Variants in SMIM36 observed in about 807,000 individuals in gnomAD.
SMIM36 encodes small integral membrane protein 36.
chr17:55,473,409 T>C (rs969359555), intron 3 of SMIM36, among the ~76,000 whole-genome samples: 1 of 152,172 alleles, frequency 6.6e-6, no homozygotes, highest in Non-Finnish European at 1.5e-5. Context: ...CCTTTCCCAC[T>C]AGCTCCGAAA....
At chr17:55,458,285 C>G (rs1249495150) in intron 4 of SMIM36, 2 of 152,178 alleles carry the variant, frequency 1.3e-5, no homozygotes, top group Non-Finnish European at 2.9e-5. Flanking sequence ...GCAGCGACAG[C>G]AGTTTAATTA....
intron 4 of SMIM36, among the ~76,000 whole-genome samples, chr17:55,462,659 T>C (rs1054742195): frequency 1.3e-5 from 2 of 152,210 alleles, no homozygotes; most frequent in Non-Finnish European, 2.9e-5. Context: ...AAATCTGGCA[T>C]GCAGCGTTGT....
intron 4 of SMIM36, among the ~76,000 whole-genome samples, chr17:55,466,585 C>G (rs1159364643): frequency 6.6e-6 from 1 of 152,196 alleles, no homozygotes; most frequent in East Asian, 1.9e-4. Flanking sequence ...GAACCTGTAG[C>G]TTGAGTTGTC....
the SMIM36 span, chr17:55,527,097 T>C: frequency 2.6e-5 from 4 of 152,220 alleles, no homozygotes; most frequent in African/African-American, 7.2e-5. Flanking sequence ...TAGTTTAAAA[T>C]GGTGGTGGGG....
chr17:55,477,381 G>T (rs556867539), intron 3 of SMIM36, among the ~76,000 whole-genome samples: 1 of 152,094 alleles, frequency 6.6e-6, no homozygotes, highest in Non-Finnish European at 1.5e-5. Context: ...CTGGCTTAGA[G>T]ATGCATCATT....
At chr17:55,461,333 A>G (rs1231605056) in intron 4 of SMIM36, among the ~76,000 whole-genome samples, 1 of 152,216 alleles carries the variant, frequency 6.6e-6, no homozygotes, top group Non-Finnish European at 1.5e-5. Flanking sequence ...TATCCATGCA[A>G]CAACATGGAT....
intron 4 of SMIM36, among the ~76,000 whole-genome samples, chr17:55,451,750 T>A (rs543473556): frequency 1.3e-5 from 2 of 152,256 alleles, no homozygotes; most frequent in Admixed American, 1.3e-4. Context: ...GATTTAAGAC[T>A]CTTTCTTTCC....
intron 3 of SMIM36, among the ~76,000 whole-genome samples, 169 bp from the exon 4 acceptor site, chr17:55,467,497 T>C (rs954708346): frequency 6.6e-6 from 1 of 151,900 alleles, no homozygotes; most frequent in East Asian, 1.9e-4. Context: ...CCAAGGTTCA[T>C]GCCATTCTCC....
At chr17:55,518,115 A>G in the SMIM36 span, among the ~76,000 whole-genome samples, 1 of 152,186 alleles carries the variant, frequency 6.6e-6, no homozygotes, top group South Asian at 2.1e-4. Context: ...GGAAAATGGG[A>G]GATCTAAGAT....
chr17:55,470,251 C>T (rs753299315), intron 3 of SMIM36, among the ~76,000 whole-genome samples: 12 of 152,152 alleles, frequency 7.9e-5, no homozygotes, highest in Non-Finnish European at 7.4e-5. Context: ...CCTTCCCCAC[C>T]GATCCCAAAG....
intron 1 of SMIM36, among the ~76,000 whole-genome samples, chr17:55,482,777 GGC>G (rs1909541926): frequency 1.3e-5 from 2 of 152,182 alleles, no homozygotes; most frequent in Non-Finnish European, 2.9e-5. Context: ...TACTGATAGA[GGC>G]ATTCATATGG....
intron 1 of SMIM36, among the ~76,000 whole-genome samples, chr17:55,490,863 A>G (rs1909690075): frequency 6.7e-6 from 1 of 148,588 alleles, no homozygotes; most frequent in Non-Finnish European, 1.5e-5. Context: ...AATGTGGGTA[A>G]TGGGATTATG....
chr17:55,501,523 T>C (rs1464577673), intron 1 of SMIM36, among the ~76,000 whole-genome samples: 1 of 114,560 alleles, frequency 8.7e-6, no homozygotes, highest in Non-Finnish European at 1.7e-5. Context: ...TATTATATAA[T>C]ATTGTATATA....
chr17:55,499,378 T>C (rs1218887962), intron 1 of SMIM36, among the ~76,000 whole-genome samples: 2 of 152,138 alleles, frequency 1.3e-5, no homozygotes, highest in African/African-American at 2.4e-5. Flanking sequence ...CCATCTAGAA[T>C]TGAGTTCAAA....
At chr17:55,490,701 G>A (rs1462114591) in intron 1 of SMIM36, among the ~76,000 whole-genome samples, 1 of 152,080 alleles carries the variant, frequency 6.6e-6, no homozygotes, top group African/African-American at 2.4e-5. Context: ...GTGTTATGAG[G>A]ACCCAGGAAT....
chr17:55,463,509 C>G (rs1909180862), intron 4 of SMIM36, among the ~76,000 whole-genome samples: 1 of 152,168 alleles, frequency 6.6e-6, no homozygotes, highest in Non-Finnish European at 1.5e-5. Flanking sequence ...ATGACTTTGC[C>G]ACTGCATTCC....
chr17:55,518,360 C>T, the SMIM36 span, among the ~76,000 whole-genome samples: 2 of 152,306 alleles, frequency 1.3e-5, no homozygotes, highest in African/African-American at 4.8e-5. Context: ...CACTTCTCAG[C>T]ACTGTTGAAT....
chr17:55,498,999 C>CAAAAAAAAAAAAAAAAAAAAACAAA (rs60117513), intron 1 of SMIM36, among the ~76,000 whole-genome samples: 1 of 67,048 alleles, frequency 1.5e-5, no homozygotes, highest in Non-Finnish European at 3.0e-5. Context: ...ACTCTGTCAC[C>CAAAAAAAAAAAAAAAAAAAAACAAA]AAAAAAAAAA....
chr17:55,527,086 G>C, the SMIM36 span: 1 of 152,348 alleles, frequency 6.6e-6, no homozygotes, highest in Middle Eastern at 3.4e-3. Context: ...TGGCAGATTT[G>C]TAGTTTAAAA....
Sources: gnomAD v4.1 joint callset for allele counts (sites outside exome capture counted in the v4.1 genomes callset) on GRCh38, gnomAD v4.1.1 for gene constraint, MANE v1.5 for transcripts, NCBI Gene and HGNC (gene_info 2026-07-23, HGNC 2026-07-21) for gene names.